SLC38A2: variants seen among roughly 807,000 people sequenced by gnomAD.
SLC38A2 encodes the protein solute carrier family 38 member 2.
In SLC38A2, 11 loss-of-function variants were observed where a neutral mutation model predicts 61.5. That is an observed-to-expected ratio of 0.18 (90% CI 0.11 to 0.30). The LOEUF is 0.30. Among genes scored for constraint, SLC38A2 ranks in the 10% least tolerant of loss-of-function variants. The probability of loss-of-function intolerance (pLI) is 1.00; values close to 1 mark genes in which losing one functional copy is unlikely to be tolerated. For missense variants in SLC38A2, 522 were observed against 600.4 expected (o/e 0.87, Z 1.36); for synonymous variants, 217 against 212.5 (o/e 1.02, Z -0.18).
intron 2 of SLC38A2, 112 bp from the exon 3 acceptor site, chr12:46,370,969 T>A (rs1039151740): frequency 2.3e-6 from 2 of 881,586 alleles, no homozygotes; most frequent in Non-Finnish European, 3.6e-6. Flanking sequence ...TGATACAACA[T>A]CTTTACTTAA....
At chr12:46,371,560 G>A (rs1592208815) in intron 1 of SLC38A2, 181 bp from the exon 2 acceptor site, 3 of 439,180 alleles carry the variant, frequency 6.8e-6, no homozygotes, top group Admixed American at 4.4e-5. Context: ...GAGCCGCGGG[G>A]AGAACAAAGA....
Position 46,371,375 on chromosome 12 carries a change from TCGGCCTGCGAAA to T in SLC38A2, c.-86-8_-83del. The stretch of plus-strand genomic sequence containing the variant: ...GGCGGTGGGTGCAGCGGCCCGCGAG[TCGGCCTGCGAAA>T]GTAGAGGCGGCGCGTCAGGACCGCA... On this transcript the variant is annotated splice_acceptor_variant and splice_polypyrimidine_tract_variant and 5_prime_UTR_variant and intron_variant, in exon 2 of 16. Coordinates refer to ENST00000256689, the MANE Select transcript of SLC38A2 (RefSeq NM_018976.5). LOFTEE classifies it low-confidence loss of function (5UTR_SPLICE). 1 of 1,150,596 alleles carries T rather than the reference TCGGCCTGCGAAA, an allele frequency of 8.7e-7. No homozygotes were observed. Among genetic ancestry groups the T allele is most frequent in the Non-Finnish European group, 1.3e-6 (1 of 776,682 alleles). 71.3% of individuals were successfully genotyped at this position (1,150,596 alleles called of 1,614,324 possible). A position where few individuals can be genotyped will look rare whatever the true frequency, so the allele number is the denominator to read the frequency against.
At position 46,367,097 on chromosome 12, in the gene SLC38A2, T is replaced by C. The variant is rs760981927; in HGVS notation, c.460A>G (p.Ile154Val). The part of the protein sequence containing the change: ...LVGKLAASGS[I>V]TMQNIGAMSS... ...TTACCTCCAATGTTCTGCATTGTAATTGATCCAGATGCTGCAAGCTTTCCA... is the reference window on the plus strand; with the variant it reads ...TTACCTCCAATGTTCTGCATTGTAACTGATCCAGATGCTGCAAGCTTTCCA... The change falls in exon 6 of 16, where the codon ATT becomes GTT. Residue 154 changes from isoleucine to valine, a missense_variant. Coordinates refer to ENST00000256689, the MANE Select transcript of SLC38A2 (RefSeq NM_018976.5). 2.5e-6 allele frequency: 4 copies of C among 1,613,992 alleles called. No individual in the cohort carries two copies. Among genetic ancestry groups the C allele is most frequent in the African/African-American group, 1.3e-5 (1 of 74,954 alleles).
Position 46,360,068 on chromosome 12 carries a change from A to C in SLC38A2, c.*1043T>G, listed in dbSNP as rs959474463. 3.9e-5 allele frequency: 6 copies of C among 152,664 alleles called. No individual in the cohort carries two copies. Among genetic ancestry groups the C allele is most frequent in the African/African-American group, 1.4e-4 (6 of 41,462 alleles). 9.5% of individuals were successfully genotyped at this position (152,664 alleles called of 1,614,324 possible). A position where few individuals can be genotyped will look rare whatever the true frequency, so the allele number is the denominator to read the frequency against. On this transcript the variant is annotated 3_prime_UTR_variant, in exon 16 of 16. Transcript: ENST00000256689. ...TTGAAAAAGTGTACTCTCTGGACAC[A>C]ATAATTTTGGCCTATTGCCATCAAA...
At chr12:46,365,397 T>C in intron 7 of SLC38A2, 3 of 582,842 alleles carry the variant, frequency 5.1e-6, no homozygotes, top group Non-Finnish European at 9.0e-6. Context: ...AAGTCGGGTA[T>C]AAAACAGTGT....
chr12:46,359,291 T>C lies in SLC38A2; in HGVS notation c.*1820A>G, dbSNP rs1270911633. The C allele has an allele frequency of 1.3e-5, 2 of 152,548 alleles. No individual in the cohort carries two copies. Among genetic ancestry groups the C allele is most frequent in the Non-Finnish European group, 2.9e-5 (2 of 68,012 alleles). 9.4% of individuals were successfully genotyped at this position (152,548 alleles called of 1,614,324 possible). On this transcript the variant is annotated 3_prime_UTR_variant, in exon 16 of 16. Transcript: ENST00000256689. ...CCGTAGAATCTGTCTTCCCACTGCC[T>C]TTCTATTTCTAGATGGCCCCCAATT... is the stretch of plus-strand genomic sequence containing the variant.
Position 46,363,762 on chromosome 12 carries a change from G to A in SLC38A2, c.1018C>T (p.Leu340=), listed in dbSNP as rs1283485163. Residue 340 remains leucine, a synonymous_variant, in exon 12 of 16, where the codon CTG becomes TTG. Coordinates refer to ENST00000256689, the MANE Select transcript of SLC38A2 (RefSeq NM_018976.5). ...ISFFAMFLMY[L]LAALFGYLTF... ...AGGTATCCAAAGAGGGCGGCAAGCA[G>A]ATACATGAGAAACATAGCAAAAAAT... 6.3e-7 allele frequency: 1 copy of A among 1,595,378 alleles called. No individual in the cohort carries two copies. The highest frequency in any genetic ancestry group is 1.4e-5 in the African/African-American group (1 of 73,658).
In SLC38A2 at chr12:46,367,318, T is replaced by C. The variant is rs746273564; in HGVS notation, c.337A>G (p.Ile113Val). The C allele has an allele frequency of 1.2e-5, 19 of 1,591,024 alleles. No homozygotes were observed. Among genetic ancestry groups the C allele is most frequent in the African/African-American group, 2.7e-5 (2 of 74,342 alleles). Residue 113 changes from isoleucine (I) to valine (V), a missense_variant, in exon 5 of 16, where the codon ATA (isoleucine) becomes GTA (valine). Ile to Val is a conservative substitution (Grantham distance 29, BLOSUM62 3). Coordinates refer to ENST00000256689, the MANE Select transcript of SLC38A2 (RefSeq NM_018976.5). ...AGATGAACAGAATACAGGGAAAATA[T>C]TGACACAAATGTCAAGAGAATTCTG... ...LFIILLTFVS[I>V]FSLYSVHLLL...
chr12:46,370,953 T>C, intron 2 of SLC38A2, 96 bp from the exon 3 acceptor site: 1 of 944,716 alleles, frequency 1.1e-6, no homozygotes, highest in South Asian at 1.5e-5. Context: ...TCCAACAGCA[T>C]AGCTCTGATA....
intron 2 of SLC38A2, 43 bp from the exon 3 acceptor site, chr12:46,370,900 A>G (rs1565830612): frequency 7.0e-7 from 1 of 1,432,786 alleles, no homozygotes; most frequent in Non-Finnish European, 9.7e-7. Context: ...CTGGATTGAA[A>G]TATCTATCAT....
intron 1 of SLC38A2, 95 bp from the exon 2 acceptor site, chr12:46,371,474 G>A (rs532245592): frequency 3.6e-4 from 207 of 571,964 alleles, no homozygotes; most frequent in Middle Eastern, 2.8e-3. Flanking sequence ...ATTCATCCCA[G>A]GCCAGGCGAG....
chr12:46,366,092 A>C (rs1943136302), intron 7 of SLC38A2, among the ~76,000 whole-genome samples: 1 of 152,164 alleles, frequency 6.6e-6, no homozygotes. Flanking sequence ...CCCCATGTTT[A>C]CTTTAGATAA....
At position 46,361,034 on chromosome 12, in the gene SLC38A2, T is replaced by G. The variant is rs369429447; in HGVS notation, c.*77A>C. On this transcript the variant is annotated 3_prime_UTR_variant, in exon 16 of 16. Coordinates refer to ENST00000256689, the MANE Select transcript of SLC38A2 (RefSeq NM_018976.5). ...CAAAAGGAAGTGAAACTGAAAACAT[T>G]AGGTGAAATTTCATAGTAGTTGAGT... 1 of 1,081,150 alleles carries G rather than the reference T, an allele frequency of 9.2e-7. No individual in the cohort carries two copies. The highest frequency in any genetic ancestry group is 1.4e-6 in the Non-Finnish European group (1 of 721,276). 67.0% of individuals were successfully genotyped at this position (1,081,150 alleles called of 1,614,324 possible).
intron 15 of SLC38A2, chr12:46,362,069 C>A: frequency 2.1e-6 from 1 of 471,826 alleles, no homozygotes; most frequent in Non-Finnish European, 3.8e-6. Flanking sequence ...TATCTAATAA[C>A]TTTATTGCAA....
In SLC38A2 at chr12:46,363,742, T is replaced by A; in HGVS notation, c.1038A>T (p.Gly346=). ...FLMYLLAALF[G]YLTFYEHVES... ...GTTACTTACCGTAAAATGTTAGGTA[T>A]CCAAAGAGGGCGGCAAGCAGATACA... Residue 346 remains glycine (G), a synonymous_variant, in exon 12 of 16, where the codon GGA becomes GGT. Coordinates refer to ENST00000256689, the MANE Select transcript of SLC38A2 (RefSeq NM_018976.5). 6.3e-7 allele frequency: 1 copy of A among 1,575,746 alleles called. No homozygotes were observed. The highest frequency in any genetic ancestry group is 8.6e-7 in the Non-Finnish European group (1 of 1,168,218).
chr12:46,363,372 A>C (rs1357827957), intron 12 of SLC38A2, among the ~76,000 whole-genome samples: 3 of 152,126 alleles, frequency 2.0e-5, no homozygotes, highest in African/African-American at 7.2e-5. Context: ...CATTAAAAAC[A>C]ACAGGAGTTA....
rs757206179 is a variant in SLC38A2 at position 46,363,816 on chromosome 12, T to G, written c.964A>C (p.Arg322=). ...IYEELKDRSR[R]RMMNVSKISF... is the part of the protein sequence containing the mutation. ...ATCTTGGACACATTCATCATTCTTC[T>G]ACGGCTGCGGCTATGTAATTCAAGA... The change falls in exon 12 of 16, where the codon AGA becomes CGA. Residue 322 remains arginine, a synonymous_variant. Transcript: ENST00000256689. 1.2e-5 allele frequency: 19 copies of G among 1,594,584 alleles called. No homozygotes were observed. The South Asian group carries it at 2.1e-4, about 17-fold the overall frequency.
chr12:46,359,950 T>C lies in SLC38A2; in HGVS notation c.*1161A>G, dbSNP rs1260205674. 1 of 152,670 alleles carries C rather than the reference T, an allele frequency of 6.6e-6. No individual in the cohort carries two copies. Among genetic ancestry groups the C allele is most frequent in the Admixed American group, 6.5e-5 (1 of 15,282 alleles). 9.5% of individuals were successfully genotyped at this position (152,670 alleles called of 1,614,324 possible). ...ACTTATATCATATCAAACATAGGTG[T>C]AACCTGTGGATTAGACCTCTACTGT... On this transcript the variant is annotated 3_prime_UTR_variant, in exon 16 of 16. Coordinates refer to ENST00000256689, the MANE Select transcript of SLC38A2 (RefSeq NM_018976.5).
At chr12:46,369,712 G>A (rs1943174516) in intron 4 of SLC38A2, among the ~76,000 whole-genome samples, 1 of 151,930 alleles carries the variant, frequency 6.6e-6, no homozygotes, top group African/African-American at 2.4e-5. Flanking sequence ...CTTTTTCCCT[G>A]GAAATAAGAT....
Sources: gnomAD v4.1 joint callset for allele counts (sites outside exome capture counted in the v4.1 genomes callset) on GRCh38, gnomAD v4.1.1 for gene constraint, MANE v1.5 for transcripts, NCBI Gene and HGNC (gene_info 2026-07-23, HGNC 2026-07-21) for gene names.